CNTFR: variants seen among roughly 807,000 people sequenced by gnomAD.
The protein encoded by CNTFR is ciliary neurotrophic factor receptor subunit alpha.
In CNTFR, 12 loss-of-function variants were observed where a neutral mutation model predicts 40.4. That is an observed-to-expected ratio of 0.30 (90% CI 0.19 to 0.48). The LOEUF (loss-of-function observed/expected upper bound fraction) is 0.48. CNTFR is among the 20% of genes least tolerant of loss of function. CNTFR has a pLI of 0.99. For synonymous variants in CNTFR, 202 were observed against 209.6 expected (o/e 0.96, Z 0.31); for missense variants, 414 against 506.8 (o/e 0.82, Z 1.76).
chr9:34,585,864 C>G (rs77895026), intron 1 of CNTFR, among the ~76,000 whole-genome samples: 12 of 152,186 alleles, frequency 7.9e-5, no homozygotes, highest in Non-Finnish European at 1.5e-4. Flanking sequence ...CATGGTCCCC[C>G]CTAACCCATC....
intron 6 of CNTFR, 141 bp from the exon 7 acceptor site, chr9:34,556,559 A>G: frequency 1.3e-6 from 1 of 758,260 alleles, no homozygotes; most frequent in Non-Finnish European, 2.1e-6. Context: ...CTCTGTTGTC[A>G]ATTCTGATAA....
chr9:34,575,667 A>ACCCCCACC (rs1826916014), intron 2 of CNTFR, among the ~76,000 whole-genome samples: 1 of 147,640 alleles, frequency 6.8e-6, no homozygotes, highest in African/African-American at 2.5e-5. Context: ...GCTCACACAC[A>ACCCCCACC]CACCCACCCA....
intron 2 of CNTFR, among the ~76,000 whole-genome samples, chr9:34,579,479 C>A (rs1280889253): frequency 6.6e-6 from 1 of 151,744 alleles, no homozygotes; most frequent in African/African-American, 2.4e-5. Flanking sequence ...GAGAGATGGG[C>A]CCTAGAAGAG....
In CNTFR at chr9:34,570,352, C is replaced by T. The variant is rs184590497; in HGVS notation, c.1-1371G>A. 5.9e-3 allele frequency among the ~76,000 whole-genome samples: 891 copies of T among 152,260 alleles called. 6 individuals are homozygous for T. Among genetic ancestry groups the T allele is most frequent in the Admixed American group, 0.01 (155 of 15,290 alleles). On this transcript the variant is annotated intron_variant, in intron 2 of 9. Coordinates refer to ENST00000378980, the MANE Select transcript of CNTFR (RefSeq NM_147164.3). ...AGAGAACAGCGACACAATCAAAGGA[C>T]CCACCAGAAACACTGTAAAGGACTC...
chr9:34,554,162 C>T (rs1235537377), intron 7 of CNTFR, among the ~76,000 whole-genome samples: 2 of 152,122 alleles, frequency 1.3e-5, no homozygotes, highest in African/African-American at 4.8e-5. Context: ...GTCCCAAAGA[C>T]CCTCTTCTCC....
intron 7 of CNTFR, among the ~76,000 whole-genome samples, chr9:34,553,230 AG>A (rs1825708244): frequency 6.6e-6 from 1 of 152,118 alleles, no homozygotes; most frequent in African/African-American, 2.4e-5. Flanking sequence ...TGGCAAGGGC[AG>A]GGGGTGAGAG....
At chr9:34,558,365 G>A (rs1047456590) in intron 4 of CNTFR, among the ~76,000 whole-genome samples, 1 of 152,186 alleles carries the variant, frequency 6.6e-6, no homozygotes, top group Non-Finnish European at 1.5e-5. Context: ...GTGCTGCAGA[G>A]ACGAGGGGAG....
chr9:34,561,660 G>A (rs1299801902), intron 4 of CNTFR, among the ~76,000 whole-genome samples: 1 of 152,246 alleles, frequency 6.6e-6, no homozygotes, highest in Non-Finnish European at 1.5e-5. Flanking sequence ...AATTGCATGT[G>A]TTTGGGATAA....
chr9:34,564,881 C>T (rs1178845502), intron 3 of CNTFR, 49 bp from the exon 4 acceptor site: 1 of 1,544,528 alleles, frequency 6.5e-7, no homozygotes, highest in East Asian at 2.3e-5. Context: ...ACAGCCCGGC[C>T]CAGCACCCGC....
intron 4 of CNTFR, among the ~76,000 whole-genome samples, chr9:34,559,816 C>T (rs959169337): frequency 3.3e-5 from 5 of 152,164 alleles, no homozygotes; most frequent in African/African-American, 1.2e-4. Flanking sequence ...CCGGACTCCT[C>T]GGAGGGCAGA....
intron 7 of CNTFR, among the ~76,000 whole-genome samples, chr9:34,553,788 G>A (rs1030338076): frequency 9.2e-5 from 14 of 152,210 alleles, no homozygotes; most frequent in African/African-American, 3.1e-4. Flanking sequence ...CTGGGCTCTG[G>A]TTCATCTCAG....
chr9:34,561,629 G>T (rs1301471973), intron 4 of CNTFR, among the ~76,000 whole-genome samples: 1 of 152,204 alleles, frequency 6.6e-6, no homozygotes, highest in Non-Finnish European at 1.5e-5. Context: ...TTAAGACCAA[G>T]TTCCCTTGTA....
rs757841005 is a variant in CNTFR at position 34,557,415 on chromosome 9, T to G, written c.604+111A>C. 26 of 1,216,822 alleles carry G rather than the reference T, an allele frequency of 2.1e-5. No homozygotes were observed. The highest frequency in any genetic ancestry group is 3.0e-5 in the African/African-American group (2 of 66,862). The allele number at this position is 1,216,822 out of a possible 1,614,324, so 75.4% of individuals were successfully genotyped here. On this transcript the variant is annotated intron_variant, in intron 6 of 9. Coordinates refer to ENST00000378980, the MANE Select transcript of CNTFR (RefSeq NM_147164.3). This position sits in a 1 kb window ranked among gnomAD's most constrained non-coding sequence, Gnocchi z 4.2. ...CACTGTACATACCTGTGCAGAGGCATGTACATGCCATGTATACATGTGCAT... is the reference window on the plus strand; with the variant it reads ...CACTGTACATACCTGTGCAGAGGCAGGTACATGCCATGTATACATGTGCAT...
rs971816614 is a variant in CNTFR at position 34,589,295 on chromosome 9, G to A, written c.-112+260C>T. Among the ~76,000 whole-genome samples, 9 of 152,058 alleles carry A rather than the reference G, an allele frequency of 5.9e-5. No homozygotes were observed. Among genetic ancestry groups the A allele is most frequent in the Non-Finnish European group, 1.2e-4 (8 of 67,982 alleles). On this transcript the variant is annotated intron_variant, in intron 1 of 9. Coordinates refer to ENST00000378980, the MANE Select transcript of CNTFR (RefSeq NM_147164.3). The surrounding 1 kb of genome is among the most constrained non-coding windows in gnomAD (Gnocchi z 4.4). ...AGGGACACTAGGACAAACCGCCGGAGCCACCTCCCTCTAGTCCACAGTCGG... is the reference window on the plus strand; with the variant it reads ...AGGGACACTAGGACAAACCGCCGGAACCACCTCCCTCTAGTCCACAGTCGG...
chr9:34,566,209 G>A (rs748440470), intron 3 of CNTFR, among the ~76,000 whole-genome samples: 7 of 151,992 alleles, frequency 4.6e-5, no homozygotes, highest in South Asian at 4.1e-4. Flanking sequence ...CATCTGTCCC[G>A]GTTTGCTGCC....
At chr9:34,586,905 T>A (rs1827570640) in intron 1 of CNTFR, among the ~76,000 whole-genome samples, 2 of 152,172 alleles carry the variant, frequency 1.3e-5, no homozygotes, top group South Asian at 4.1e-4. Context: ...GCCCCGATAC[T>A]CACCACAAAC....
intron 4 of CNTFR, among the ~76,000 whole-genome samples, chr9:34,560,029 C>G (rs1826006764): frequency 6.6e-6 from 1 of 152,230 alleles, no homozygotes; most frequent in African/African-American, 2.4e-5. Context: ...TGTCATCTGG[C>G]TACTCCTGCC....
At chr9:34,579,242 G>A (rs1300728732) in intron 2 of CNTFR, among the ~76,000 whole-genome samples, 2 of 152,026 alleles carry the variant, frequency 1.3e-5, no homozygotes, top group Non-Finnish European at 2.9e-5. Flanking sequence ...GGGGATCCAC[G>A]CTGCCTGATT....
At chr9:34,556,986 A>T (rs1446708924) in intron 6 of CNTFR, among the ~76,000 whole-genome samples, 1 of 150,484 alleles carries the variant, frequency 6.6e-6, no homozygotes, top group African/African-American at 2.4e-5. Context: ...GGATCCAGCC[A>T]TGGGGTCTGG....
Sources: allele counts gnomAD v4.1 joint callset (sites outside exome capture counted in the v4.1 genomes callset), GRCh38; gene constraint gnomAD v4.1.1; non-coding constraint Gnocchi (gnomAD v3.1); transcripts MANE v1.5; gene names NCBI Gene and HGNC (gene_info 2026-07-23, HGNC 2026-07-21).